SPOCK3: variants seen among roughly 807,000 people sequenced by gnomAD.
The protein encoded by SPOCK3 is SPARC (osteonectin), cwcv and kazal like domains proteoglycan 3, also known as testican-3.
Under a neutral mutation model 56.6 loss-of-function variants are expected in SPOCK3, and 30 were observed. The ratio of observed to expected loss-of-function variants is 0.53; its 90% CI spans 0.40 to 0.72. The LOEUF is 0.72. Ranked by LOEUF, SPOCK3 falls within the 30% of genes least tolerant of loss-of-function variation. The pLI is 0.00. For missense variants in SPOCK3, 527 were observed against 530.0 expected (o/e 0.99, Z 0.06); for synonymous variants, 196 against 183.3 (o/e 1.07, Z -0.56).
intron 6 of SPOCK3, among the ~76,000 whole-genome samples, chr4:166,857,148 T>C (rs1192524961): frequency 1.3e-5 from 2 of 152,112 alleles, no homozygotes; most frequent in Non-Finnish European, 2.9e-5. Flanking sequence ...GGAAGATAGT[T>C]TGTCTTTTAA....
At chr4:167,026,786 C>A (rs955334507) in intron 3 of SPOCK3, among the ~76,000 whole-genome samples, 1 of 149,360 alleles carries the variant, frequency 6.7e-6, no homozygotes, top group Non-Finnish European at 1.5e-5. Context: ...GAAAATATAT[C>A]GCATTGGTTG....
intron 4 of SPOCK3, among the ~76,000 whole-genome samples, chr4:166,974,710 T>C (rs190807549): frequency 7.2e-5 from 11 of 152,324 alleles, no homozygotes; most frequent in Middle Eastern, 3.4e-3. Context: ...AGCCAAATGG[T>C]AAATTCTCAG....
chr4:166,832,298 T>A (rs1306179981), intron 6 of SPOCK3, among the ~76,000 whole-genome samples: 1 of 151,928 alleles, frequency 6.6e-6, no homozygotes, highest in East Asian at 1.9e-4. Context: ...TTCTTCTGAA[T>A]ATGGCTAGCC....
intron 4 of SPOCK3, among the ~76,000 whole-genome samples, chr4:166,978,454 G>A (rs1030672912): frequency 2.6e-5 from 4 of 152,110 alleles, no homozygotes; most frequent in Non-Finnish European, 5.9e-5. Flanking sequence ...AAAATTTTAA[G>A]GTCAGAGATG....
chr4:167,130,697 T>C (rs1762636609), intron 2 of SPOCK3, among the ~76,000 whole-genome samples: 1 of 152,136 alleles, frequency 6.6e-6, no homozygotes. Context: ...CAGTTAGACA[T>C]TTACAAGGTA....
chr4:166,744,298 T>C (rs548747102), intron 8 of SPOCK3, among the ~76,000 whole-genome samples: 1 of 152,112 alleles, frequency 6.6e-6, no homozygotes, highest in African/African-American at 2.4e-5. Flanking sequence ...TGTTCTGCAA[T>C]ATTTACTGTT....
At chr4:167,019,000 C>A (rs1005967585) in intron 3 of SPOCK3, among the ~76,000 whole-genome samples, 1 of 151,986 alleles carries the variant, frequency 6.6e-6, no homozygotes, top group Non-Finnish European at 1.5e-5. Flanking sequence ...CAAGTGAGCA[C>A]AATGAAGCCA....
intron 6 of SPOCK3, among the ~76,000 whole-genome samples, chr4:166,850,990 T>G (rs1325682586): frequency 6.6e-6 from 1 of 152,202 alleles, no homozygotes; most frequent in Admixed American, 6.5e-5. Context: ...CCTGCCTGCC[T>G]CTGTAGGCTC....
At chr4:166,750,212 T>C (rs985469588) in intron 8 of SPOCK3, among the ~76,000 whole-genome samples, 4 of 152,186 alleles carry the variant, frequency 2.6e-5, no homozygotes, top group African/African-American at 9.6e-5. Flanking sequence ...AGCCTTTAGG[T>C]ATTCTTAGAG....
chr4:167,067,128 C>T (rs762164236), intron 2 of SPOCK3, among the ~76,000 whole-genome samples: 12 of 151,616 alleles, frequency 7.9e-5, no homozygotes, highest in Non-Finnish European at 1.2e-4. Context: ...AAATGCCTAC[C>T]GATGAACATA....
intron 4 of SPOCK3, among the ~76,000 whole-genome samples, chr4:166,935,311 G>A (rs559402295): frequency 2.0e-5 from 3 of 152,212 alleles, no homozygotes; most frequent in African/African-American, 7.2e-5. Flanking sequence ...CAATAAAAGT[G>A]GCAAAACTCC....
chr4:166,952,825 C>A (rs367949383), intron 4 of SPOCK3, among the ~76,000 whole-genome samples: 1 of 152,044 alleles, frequency 6.6e-6, no homozygotes, highest in Non-Finnish European at 1.5e-5. Context: ...GAAAAACAAG[C>A]AATGGGGAAA....
At chr4:166,819,874 C>T (rs1464086015) in intron 6 of SPOCK3, among the ~76,000 whole-genome samples, 1 of 151,882 alleles carries the variant, frequency 6.6e-6, no homozygotes, top group Non-Finnish European at 1.5e-5. Context: ...CATGCACCAC[C>T]ATGCCCAGAT....
chr4:167,000,413 T>G lies in SPOCK3; in HGVS notation c.286A>C (p.Lys96Gln). ...TGAGAATCTTGAGCAATGCATACTT[T>G]ATGGCGACTACATTTCATCTTTAAG... is the stretch of plus-strand genomic sequence containing the variant. ...PCLKMKCSRH[K>Q]VCIAQDSQTA... is the part of the protein sequence containing the mutation. Residue 96 changes from lysine (K) to glutamine (Q), a missense_variant, in exon 4 of 11, where the codon AAA (lysine) becomes CAA (glutamine). Coordinates refer to ENST00000357545, the MANE Select transcript of SPOCK3 (RefSeq NM_001040159.2). 1 of 1,609,386 alleles carries G rather than the reference T, an allele frequency of 6.2e-7. No homozygotes were observed. Among genetic ancestry groups the G allele is most frequent in the Non-Finnish European group, 8.5e-7 (1 of 1,177,394 alleles).
At chr4:166,866,606 C>A (rs987656690) in intron 6 of SPOCK3, among the ~76,000 whole-genome samples, 1 of 151,882 alleles carries the variant, frequency 6.6e-6, no homozygotes, top group Admixed American at 6.6e-5. Flanking sequence ...ATGACTCAAT[C>A]AAAAAGTGGG....
At position 167,231,523 on chromosome 4, in the gene SPOCK3, C is replaced by T. The variant is rs12509000; in HGVS notation, c.189+2462G>A. The stretch of plus-strand genomic sequence containing the variant: ...TAAATCATTATTTGAGATATGAATG[C>T]TCATGCAGAACATTTAAAGGTAGAT... On this transcript the variant is annotated intron_variant, in intron 2 of 10. Transcript: ENST00000357545. 6.5e-3 allele frequency among the ~76,000 whole-genome samples: 988 copies of T among 152,134 alleles called. 48 individuals carry two copies. The highest frequency in any genetic ancestry group is 0.059 in the Admixed American group (905 of 15,270).
At chr4:166,809,086 T>C (rs1187961210) in intron 6 of SPOCK3, among the ~76,000 whole-genome samples, 1 of 152,118 alleles carries the variant, frequency 6.6e-6, no homozygotes, top group Non-Finnish European at 1.5e-5. Flanking sequence ...ATTACATGGT[T>C]TGTAGACTCT....
chr4:167,130,658 C>T (rs1439635553), intron 2 of SPOCK3, among the ~76,000 whole-genome samples: 2 of 151,878 alleles, frequency 1.3e-5, no homozygotes, highest in Non-Finnish European at 2.9e-5. Context: ...CAAAAAATGG[C>T]AGTTAAAAAA....
intron 7 of SPOCK3, among the ~76,000 whole-genome samples, chr4:166,764,540 C>A (rs1737713492): frequency 6.6e-6 from 1 of 151,926 alleles, no homozygotes. Flanking sequence ...TTATGGCTGC[C>A]TAGTATTCCA....
Sources: allele counts gnomAD v4.1 joint callset (sites outside exome capture counted in the v4.1 genomes callset), GRCh38; gene constraint gnomAD v4.1.1; transcripts MANE v1.5; gene names NCBI Gene and HGNC (gene_info 2026-07-23, HGNC 2026-07-21).